The following RALGPS1 variants were observed in gnomAD, a reference collection of about 807,000 sequenced individuals.
The protein encoded by RALGPS1 is Ral GEF with PH domain and SH3 binding motif 1.
A neutral mutation model predicts 78.8 loss-of-function variants in RALGPS1; 19 were observed. The observed-to-expected ratio is 0.24, with a 90% CI of 0.17 to 0.35. The LOEUF (loss-of-function observed/expected upper bound fraction) is 0.35, where lower values mean the gene tolerates loss of function less well. Ranked by LOEUF, RALGPS1 falls within the 10% of genes least tolerant of loss-of-function variation. The pLI, the probability that RALGPS1 is intolerant of heterozygous loss-of-function variation, is 1.00. For missense variants in RALGPS1, 454 were observed against 688.3 expected (o/e 0.66, Z 3.81); for synonymous variants, 228 against 256.3 (o/e 0.89, Z 1.06).
In RALGPS1 at chr9:127,211,985, C is replaced by T; in HGVS notation, c.1248-146C>T. 3.3e-6 allele frequency: 2 copies of T among 598,798 alleles called. No individual in the cohort carries two copies. The allele number at this position is 598,798 out of a possible 1,614,324, so 37.1% of individuals were successfully genotyped here. On this transcript the variant is annotated intron_variant, in intron 14 of 18. Transcript: ENST00000259351. The surrounding 1 kb of genome is among the most constrained non-coding windows in gnomAD (Gnocchi z 5.0). ...TCATGTGCGTTATCACCTGGCCCTC[C>T]CCTCCGGGCCTTGCTCTGCGCCGTT... is the stretch of plus-strand genomic sequence containing the variant.
At chr9:126,941,129 C>CA (rs2036740104) in intron 1 of RALGPS1, among the ~76,000 whole-genome samples, 1 of 71,410 alleles carries the variant, frequency 1.4e-5, no homozygotes, top group Non-Finnish European at 3.2e-5. Context: ...TTCTCATATA[C>CA]GCCCCCCCCC....
intron 3 of RALGPS1, among the ~76,000 whole-genome samples, chr9:126,976,826 G>A (rs2040706038): frequency 6.6e-6 from 1 of 152,196 alleles, no homozygotes; most frequent in Admixed American, 6.5e-5. Context: ...TGACATGGAG[G>A]TAGGTGGATC....
chr9:127,016,234 A>G (rs2044812899), intron 4 of RALGPS1, among the ~76,000 whole-genome samples: 1 of 151,734 alleles, frequency 6.6e-6, no homozygotes, highest in African/African-American at 2.4e-5. Flanking sequence ...CAACCTCTCC[A>G]TTTGCCCTCG....
At position 127,174,747 on chromosome 9, in the gene RALGPS1, C is replaced by T. The variant is rs2059758718; in HGVS notation, c.875C>T (p.Ser292Phe). The change falls in exon 11 of 19, where the codon TCT (serine) becomes TTT (phenylalanine). Residue 292 changes from serine (S) to phenylalanine (F), a missense_variant. Coordinates refer to ENST00000259351, the MANE Select transcript of RALGPS1 (RefSeq NM_014636.3). ...CTCAGAATCGAACCAGGAAGCAGCT[C>T]TCCAAGACTAGTCTCTTCCAAGGAA... is the stretch of plus-strand genomic sequence containing the variant. ...LSLRIEPGSS[S>F]PRLVSSKEDL... The T allele has an allele frequency of 1.2e-6, 2 of 1,614,202 alleles. No homozygotes were observed.
intron 4 of RALGPS1, among the ~76,000 whole-genome samples, chr9:126,983,351 A>G (rs2041504752): frequency 6.6e-6 from 1 of 152,126 alleles, no homozygotes; most frequent in Non-Finnish European, 1.5e-5. Flanking sequence ...TGTTACCTAG[A>G]TCCAACAATT....
At chr9:127,134,165 G>C (rs185058737) in intron 8 of RALGPS1, among the ~76,000 whole-genome samples, 4 of 152,086 alleles carry the variant, frequency 2.6e-5, no homozygotes, top group East Asian at 1.9e-4. Flanking sequence ...CCACACACAG[G>C]GGGGGTCTCT....
intron 18 of RALGPS1, chr9:127,217,410 T>C (rs930488495): frequency 1.1e-4 from 112 of 989,266 alleles, no homozygotes; most frequent in Non-Finnish European, 1.3e-4. Context: ...GCCAGGAGGG[T>C]GTAAGAAAGA....
intron 8 of RALGPS1, among the ~76,000 whole-genome samples, chr9:127,119,271 C>T (rs2055791238): frequency 6.6e-6 from 1 of 152,148 alleles, no homozygotes; most frequent in Non-Finnish European, 1.5e-5. Context: ...AAGTAGGCTT[C>T]CATGAAGAGC....
chr9:127,149,430 G>A (rs941696798), intron 8 of RALGPS1, among the ~76,000 whole-genome samples: 3 of 152,222 alleles, frequency 2.0e-5, no homozygotes, highest in Admixed American at 6.5e-5. Context: ...AGTGGAGCTC[G>A]GCACCATGAG....
chr9:127,055,758 G>C (rs1224678350), intron 7 of RALGPS1, among the ~76,000 whole-genome samples: 2 of 152,212 alleles, frequency 1.3e-5, no homozygotes, highest in African/African-American at 4.8e-5. Flanking sequence ...CTCCCTGTCA[G>C]CCAAAACAAG....
intron 4 of RALGPS1, among the ~76,000 whole-genome samples, chr9:127,026,327 A>C (rs1391499296): frequency 1.3e-5 from 2 of 152,190 alleles, no homozygotes; most frequent in Non-Finnish European, 2.9e-5. Context: ...ACCCAGATTA[A>C]GGGTGAGTCT....
chr9:127,182,332 GCCTTCCTTCCTTCCTTCCTC>G (rs1365455498), intron 11 of RALGPS1, among the ~76,000 whole-genome samples: 13 of 133,506 alleles, frequency 9.7e-5, no homozygotes, highest in African/African-American at 3.7e-4. Context: ...CTTCCTTCCT[GCCTTCCTTCCTTCCTTCCTC>G]CCTTCCTTCC....
At chr9:126,925,129 A>AAAATAAATAAAT (rs545566022) in intron 1 of RALGPS1, among the ~76,000 whole-genome samples, 3 of 151,964 alleles carry the variant, frequency 2.0e-5, no homozygotes, top group African/African-American at 7.3e-5. Context: ...CTCCATCTCA[A>AAAATAAATAAAT]AAATAAATAA....
At chr9:127,018,087 G>T (rs2045047425) in intron 4 of RALGPS1, among the ~76,000 whole-genome samples, 1 of 152,034 alleles carries the variant, frequency 6.6e-6, no homozygotes, top group Non-Finnish European at 1.5e-5. Flanking sequence ...GCATGTTGGT[G>T]CACCTGTAAT....
intron 4 of RALGPS1, among the ~76,000 whole-genome samples, chr9:127,000,754 G>A (rs867730849): frequency 1.0e-4 from 15 of 150,524 alleles, no homozygotes; most frequent in Non-Finnish European, 1.3e-4. Flanking sequence ...GGGCTTCGCC[G>A]TGTTGGTCAG....
chr9:126,922,333 T>G (rs909952030), intron 1 of RALGPS1, among the ~76,000 whole-genome samples: 8 of 152,242 alleles, frequency 5.3e-5, no homozygotes, highest in African/African-American at 1.9e-4. Context: ...ATCATAGGTT[T>G]CTTTTAAAAT....
intron 1 of RALGPS1, among the ~76,000 whole-genome samples, chr9:126,934,660 G>A (rs1588506523): frequency 6.6e-6 from 1 of 152,230 alleles, no homozygotes; most frequent in South Asian, 2.1e-4. Context: ...TCCTGTCAAC[G>A]GTTTTTTAAC....
chr9:126,935,364 G>A (rs926179350), intron 1 of RALGPS1, among the ~76,000 whole-genome samples: 6 of 152,158 alleles, frequency 3.9e-5, no homozygotes, highest in Non-Finnish European at 5.9e-5. Flanking sequence ...TTGCCATGGC[G>A]CCCAGGTCTT....
At chr9:127,072,195 C>G (rs2050261917) in intron 8 of RALGPS1, among the ~76,000 whole-genome samples, 1 of 152,126 alleles carries the variant, frequency 6.6e-6, no homozygotes, top group Admixed American at 6.5e-5. Flanking sequence ...TTCCATTGTA[C>G]CGATGCACCA....
Sources: allele counts gnomAD v4.1 joint callset (sites outside exome capture counted in the v4.1 genomes callset), GRCh38; gene constraint gnomAD v4.1.1; non-coding constraint Gnocchi (gnomAD v3.1); transcripts MANE v1.5; gene names NCBI Gene and HGNC (gene_info 2026-07-23, HGNC 2026-07-21).